The following CEP83 variants were observed in gnomAD, a reference collection of about 807,000 sequenced individuals.
CEP83 encodes centrosomal protein of 83 kDa.
CEP83 carries 70 observed loss-of-function variants against 101.9 expected under a neutral mutation model. That is an observed-to-expected ratio of 0.69 (90% CI 0.57 to 0.84). The LOEUF (loss-of-function observed/expected upper bound fraction) is 0.84, where lower values mean the gene tolerates loss of function less well. Among genes scored for constraint, CEP83 ranks in the 40% least tolerant of loss-of-function variants. CEP83 has a pLI of 0.00. For synonymous variants in CEP83, 264 were observed against 267.9 expected (o/e 0.99, Z 0.14); for missense variants, 715 against 787.2 (o/e 0.91, Z 1.10).
At position 94,456,106 on chromosome 12, in the gene CEP83, T is replaced by C. The variant is rs139936795; in HGVS notation, c.-155+3451A>G. Among the ~76,000 whole-genome samples, 331 of 151,382 alleles carry C rather than the reference T, an allele frequency of 2.2e-3. 1 individual carries two copies. Among genetic ancestry groups the C allele is most frequent in the African/African-American group, 7.5e-3 (310 of 41,296 alleles). ...GACTTGACAGTCAGTGATCTCTCCATGACCTAGAGAGGGCAGTCCTGATGA... is the reference window on the plus strand; with the variant it reads ...GACTTGACAGTCAGTGATCTCTCCACGACCTAGAGAGGGCAGTCCTGATGA... On this transcript the variant is annotated intron_variant, in intron 1 of 16. Transcript: ENST00000397809.
intron 6 of CEP83, among the ~76,000 whole-genome samples, chr12:94,392,626 A>C (rs1437107390): frequency 6.6e-6 from 1 of 152,262 alleles, no homozygotes; most frequent in Non-Finnish European, 1.5e-5. Context: ...AGAAGGCAAG[A>C]AATAACTAAG....
chr12:94,270,521 A>G, the CEP83 span, among the ~76,000 whole-genome samples: 5 of 152,274 alleles, frequency 3.3e-5, no homozygotes, highest in South Asian at 2.1e-4. Flanking sequence ...GGACACAGCA[A>G]TGGAAATGCC....
At chr12:94,413,374 T>C (rs1443916960) in intron 2 of CEP83, among the ~76,000 whole-genome samples, 2 of 152,044 alleles carry the variant, frequency 1.3e-5, no homozygotes, top group South Asian at 2.1e-4. Flanking sequence ...CAAACCAGAG[T>C]CATGTTTCCT....
intron 1 of CEP83, among the ~76,000 whole-genome samples, chr12:94,451,996 C>A (rs1385837538): frequency 1.3e-5 from 2 of 152,126 alleles, no homozygotes; most frequent in African/African-American, 4.8e-5. Context: ...ATGGAAAATA[C>A]ACACGAATAC....
the CEP83 span, among the ~76,000 whole-genome samples, chr12:94,267,492 A>C: frequency 6.6e-6 from 1 of 152,170 alleles, no homozygotes; most frequent in Non-Finnish European, 1.5e-5. Flanking sequence ...CCCTGGGGAA[A>C]AGGGTAATGG....
chr12:94,280,708 G>A, the CEP83 span, among the ~76,000 whole-genome samples: 1 of 152,212 alleles, frequency 6.6e-6, no homozygotes, highest in Non-Finnish European at 1.5e-5. Flanking sequence ...CAGACCCCCA[G>A]CTTCCTTGCT....
At chr12:94,353,986 T>C (rs1266504048) in intron 11 of CEP83, among the ~76,000 whole-genome samples, 1 of 152,058 alleles carries the variant, frequency 6.6e-6, no homozygotes, top group South Asian at 2.1e-4. Context: ...AACCAAGATA[T>C]ATTAAAGCAA....
the CEP83 span, among the ~76,000 whole-genome samples, chr12:94,271,154 A>C: frequency 1.3e-5 from 2 of 152,256 alleles, no homozygotes; most frequent in African/African-American, 2.4e-5. Flanking sequence ...CTGAAATAAA[A>C]TTAGAAATAT....
intron 1 of CEP83, among the ~76,000 whole-genome samples, chr12:94,458,879 G>T (rs777760334): frequency 2.8e-4 from 43 of 152,192 alleles, no homozygotes; most frequent in Non-Finnish European, 5.7e-4. Flanking sequence ...GTAACTGTAG[G>T]ATAGATACCT....
chr12:94,334,784 T>TTTTTAA, intron 12 of CEP83, among the ~76,000 whole-genome samples: 1 of 152,282 alleles, frequency 6.6e-6, no homozygotes, highest in East Asian at 1.9e-4. Flanking sequence ...GTAGAACTAT[T>TTTTTAA]CACTCTTTAT....
intron 2 of CEP83, among the ~76,000 whole-genome samples, chr12:94,415,181 A>G (rs1343989340): frequency 3.3e-5 from 5 of 152,122 alleles, no homozygotes; most frequent in Non-Finnish European, 7.4e-5. Flanking sequence ...ATGAGAATGT[A>G]TTTTTGGTAA....
At chr12:94,369,616 G>T in intron 9 of CEP83, 1 of 190,180 alleles carries the variant, frequency 5.3e-6, no homozygotes, top group Non-Finnish European at 1.1e-5. Context: ...AATGTCCTGG[G>T]ACTAATAACT....
At chr12:94,433,218 G>A (rs1520723) in intron 2 of CEP83, among the ~76,000 whole-genome samples, 83,203 of 151,978 alleles carry the variant, frequency 0.55, 22,816 homozygotes, top group Non-Finnish European at 0.56. Context: ...AAGACATTAC[G>A]GGGTAGACTC....
At chr12:94,407,727 A>C (rs1234038528) in intron 4 of CEP83, among the ~76,000 whole-genome samples, 1 of 152,144 alleles carries the variant, frequency 6.6e-6, no homozygotes, top group Admixed American at 6.5e-5. Flanking sequence ...TATACCTCCA[A>C]AGCACACATA....
intron 14 of CEP83, among the ~76,000 whole-genome samples, chr12:94,316,099 C>T (rs976835924): frequency 1.3e-5 from 2 of 152,096 alleles, no homozygotes; most frequent in Non-Finnish European, 2.9e-5. Flanking sequence ...GAAGAACTGA[C>T]ACCTTAATAT....
rs1161292599 is a variant in CEP83 at position 94,331,357 on chromosome 12, C to CTTTTTTTTTT, written c.1707+333_1707+342dup. 1.3e-4 allele frequency among the ~76,000 whole-genome samples: 9 copies of CTTTTTTTTTT among 66,806 alleles called. 1 individual carries two copies. Among genetic ancestry groups the CTTTTTTTTTT allele is most frequent in the African/African-American group, 2.3e-4 (4 of 17,498 alleles). The allele number at this position is 66,806 out of a possible 152,430, so 43.8% of individuals were successfully genotyped here. A position where few individuals can be genotyped will look rare whatever the true frequency, so the allele number is the denominator to read the frequency against. The stretch of plus-strand genomic sequence containing the variant: ...TACTCCATAGAAATCACCTTTTTTC[C>CTTTTTTTTTT]TTTTTTTTTTTTTTTTTTTTTTTTT... On this transcript the variant is annotated intron_variant, in intron 14 of 16. Coordinates refer to ENST00000397809, the MANE Select transcript of CEP83 (RefSeq NM_016122.3).
At position 94,433,391 on chromosome 12, in the gene CEP83, T is replaced by C. The variant is rs141288741; in HGVS notation, c.-102+1884A>G. Among the ~76,000 whole-genome samples the C allele has an allele frequency of 3.2e-4, 48 of 152,130 alleles. 2 individuals carry two copies. In the East Asian group the frequency reaches 9.1e-3, roughly 29 times the overall value. ...GCAGGTAGTCAATAATCTTGAAAAT[T>C]AATTTGAAGCCAGGCGCAGTGGCTC... On this transcript the variant is annotated intron_variant, in intron 2 of 16. Coordinates refer to ENST00000397809, the MANE Select transcript of CEP83 (RefSeq NM_016122.3).
chr12:94,423,819 G>A, intron 2 of CEP83: 2 of 1,613,578 alleles, frequency 1.2e-6, no homozygotes, highest in Non-Finnish European at 1.7e-6. Flanking sequence ...GTTGGCCGCT[G>A]CTCTCCTCGA....
chr12:94,352,091 A>G (rs2136783493), intron 11 of CEP83, among the ~76,000 whole-genome samples: 1 of 152,368 alleles, frequency 6.6e-6, no homozygotes, highest in Non-Finnish European at 1.5e-5. Context: ...AGAGACAACT[A>G]TTCTACCAGA....
Sources: gnomAD v4.1 joint callset for allele counts (sites outside exome capture counted in the v4.1 genomes callset) on GRCh38, gnomAD v4.1.1 for gene constraint, MANE v1.5 for transcripts, NCBI Gene and HGNC (gene_info 2026-07-23, HGNC 2026-07-21) for gene names.